Variants in ALLC observed in about 807,000 individuals in gnomAD.
ALLC encodes the protein probable inactive allantoicase.
In ALLC, 40 loss-of-function variants were observed where a neutral mutation model predicts 45.0. That is an observed-to-expected ratio of 0.89 (90% CI 0.69 to 1.16). The LOEUF (loss-of-function observed/expected upper bound fraction) is 1.16. ALLC is among the 50% of genes most tolerant of loss of function. ALLC has a pLI of 0.00. For missense variants in ALLC, 488 were observed against 493.1 expected (o/e 0.99, Z 0.10); for synonymous variants, 176 against 178.1 (o/e 0.99, Z 0.09).
intron 7 of ALLC, chr2:3,688,138 C>T: frequency 6.4e-6 from 1 of 157,344 alleles, no homozygotes; most frequent in Non-Finnish European, 1.4e-5. Flanking sequence ...CTGTTAAAGT[C>T]AGAGGAGACA....
At chr2:3,682,389 T>A (rs530793123) in intron 6 of ALLC, among the ~76,000 whole-genome samples, 1 of 152,342 alleles carries the variant, frequency 6.6e-6, no homozygotes, top group South Asian at 2.1e-4. Context: ...TTTGCAAGCA[T>A]CTGCCACCAT....
At chr2:3,689,328 C>T (rs1007791076) in intron 7 of ALLC, among the ~76,000 whole-genome samples, 1 of 150,694 alleles carries the variant, frequency 6.6e-6, no homozygotes, top group Admixed American at 6.6e-5. Context: ...CTTTCTACTT[C>T]TTTGGTATAG....
intron 3 of ALLC, among the ~76,000 whole-genome samples, chr2:3,676,280 T>G (rs150177533): frequency 6.6e-6 from 1 of 152,178 alleles, no homozygotes; most frequent in East Asian, 1.9e-4. Flanking sequence ...TTCTGCACAC[T>G]TTTTTTGGTG....
At chr2:3,673,994 A>G in intron 2 of ALLC, 81 bp from the exon 3 acceptor site, 1 of 1,087,750 alleles carries the variant, frequency 9.2e-7, no homozygotes, top group Non-Finnish European at 1.3e-6. Context: ...ACTTCATCTC[A>G]TAATGTTTCA....
chr2:3,660,454 T>G (rs915703052), intron 1 of ALLC, among the ~76,000 whole-genome samples: 2 of 152,172 alleles, frequency 1.3e-5, no homozygotes, highest in Non-Finnish European at 2.9e-5. Flanking sequence ...GAATAAATTT[T>G]GCGATATTTG....
At chr2:3,699,754 T>C (rs1286689915) in intron 10 of ALLC, among the ~76,000 whole-genome samples, 2 of 151,948 alleles carry the variant, frequency 1.3e-5, no homozygotes, top group East Asian at 3.8e-4. Context: ...TGATTAGTGA[T>C]GTCAGCCATT....
intron 7 of ALLC, among the ~76,000 whole-genome samples, chr2:3,683,402 T>A (rs939024213): frequency 1.3e-5 from 2 of 152,220 alleles, no homozygotes; most frequent in African/African-American, 4.8e-5. Context: ...TTTAATAGCT[T>A]TATTGTGATA....
chr2:3,649,342 C>T, the ALLC span, among the ~76,000 whole-genome samples: 32 of 151,748 alleles, frequency 2.1e-4, no homozygotes, highest in African/African-American at 6.5e-4. Context: ...CCTGGGTTCA[C>T]GCCATTCTCC....
At position 3,701,464 on chromosome 2, in the gene ALLC, C is replaced by T. The variant is rs187198737; in HGVS notation, c.851-48C>T. 3.3e-6 allele frequency: 5 copies of T among 1,533,832 alleles called. No homozygotes were observed. The African/African-American group carries it at 5.5e-5, about 17-fold the overall frequency. On this transcript the variant is annotated intron_variant, in intron 10 of 11. Coordinates refer to ENST00000252505, the MANE Select transcript of ALLC (RefSeq NM_018436.4). ...AAAGCATGATATCCTATACGCCAAA[C>T]TGAGTGCAAATGCGGGCAGAAAATC...
intron 7 of ALLC, among the ~76,000 whole-genome samples, chr2:3,691,432 GTTTTTT>G (rs895222360): frequency 1.4e-5 from 2 of 145,856 alleles, no homozygotes; most frequent in Non-Finnish European, 3.0e-5. Flanking sequence ...TTTTGTATTT[GTTTTTT>G]TTTTTGTAGA....
At chr2:3,660,395 C>A (rs1341887500) in intron 1 of ALLC, among the ~76,000 whole-genome samples, 2 of 152,124 alleles carry the variant, frequency 1.3e-5, no homozygotes, top group African/African-American at 4.8e-5. Flanking sequence ...CAGCCTCAGG[C>A]ATTCCTTCAC....
rs1203910337 is a variant in ALLC, at chr2:3,681,837, A to G, written c.378+124A>G. 15 of 692,050 alleles carry G rather than the reference A, an allele frequency of 2.2e-5. No individual in the cohort carries two copies. The East Asian group carries it at 3.8e-4, about 17-fold the overall frequency. The allele number at this position is 692,050 out of a possible 1,614,324, so 42.9% of individuals were successfully genotyped here. Reference sequence around the variant, plus strand: ...GCCCAGCCCTGATGCTCCCCACATCATTTGCTTACCCACTGTGGCCTTGCA... The same window carrying G: ...GCCCAGCCCTGATGCTCCCCACATCGTTTGCTTACCCACTGTGGCCTTGCA... On this transcript the variant is annotated intron_variant, in intron 6 of 11. Transcript: ENST00000252505.
Position 3,679,921 on chromosome 2 carries a change from C to CTTGCCCCGTGGACGTG in ALLC, c.225_226insTTGCCCCGTGGACGTG (p.Asp76LeufsTer31). 2 of 1,613,942 alleles carry CTTGCCCCGTGGACGTG rather than the reference C, an allele frequency of 1.2e-6. No individual in the cohort carries two copies. Among genetic ancestry groups the CTTGCCCCGTGGACGTG allele is most frequent in the South Asian group, 2.2e-5 (2 of 91,058 alleles). ...GGATCCAAGGAGTCATCCGGGGCTT[C>CTTGCCCCGTGGACGTG]GACGTGGACGTTTCTTACTTCACGG... On this transcript the variant is annotated frameshift_variant, in exon 5 of 12. Coordinates refer to ENST00000252505, the MANE Select transcript of ALLC (RefSeq NM_018436.4). LOFTEE classifies it high-confidence loss of function.
At chr2:3,679,769 C>T (rs1253487728) in intron 4 of ALLC, 100 bp from the exon 5 acceptor site, 1 of 1,518,238 alleles carries the variant, frequency 6.6e-7, no homozygotes, top group Non-Finnish European at 9.1e-7. Context: ...GACGGAATGG[C>T]CCCTGCTGTG....
At chr2:3,697,512 T>C in intron 10 of ALLC, 56 bp downstream of exon 10, 5 of 1,419,780 alleles carry the variant, frequency 3.5e-6, no homozygotes, top group Non-Finnish European at 4.0e-6. Context: ...TTCTAAAGAC[T>C]GAGTTCTATG....
chr2:3,653,489 A>T (rs934818366), upstream of ALLC, among the ~76,000 whole-genome samples: 3 of 152,202 alleles, frequency 2.0e-5, no homozygotes, highest in Admixed American at 2.0e-4. The surrounding 1 kb of genome is among the most constrained non-coding windows in gnomAD (Gnocchi z 4.1). Flanking sequence ...GCGTCCTGCC[A>T]GCTACGATCC....
intron 1 of ALLC, among the ~76,000 whole-genome samples, chr2:3,667,559 G>A (rs946910753): frequency 6.6e-5 from 10 of 152,312 alleles, no homozygotes; most frequent in South Asian, 4.1e-4. Context: ...TGTCAAAGAC[G>A]CGTTCCTTTT....
intron 9 of ALLC, among the ~76,000 whole-genome samples, chr2:3,697,124 G>A (rs112514188): frequency 2.0e-5 from 3 of 152,110 alleles, no homozygotes; most frequent in African/African-American, 7.2e-5. Context: ...TTAGAAAAAC[G>A]TATCTGGGAC....
chr2:3,651,973 C>G, the ALLC span, among the ~76,000 whole-genome samples: 2 of 152,226 alleles, frequency 1.3e-5, no homozygotes, highest in African/African-American at 4.8e-5. Context: ...GGTCACCAGA[C>G]GCAACCCGGC....
Sources: gnomAD v4.1 joint callset for allele counts (sites outside exome capture counted in the v4.1 genomes callset) on GRCh38, gnomAD v4.1.1 for gene constraint, Gnocchi (gnomAD v3.1) non-coding constraint, MANE v1.5 for transcripts, NCBI Gene and HGNC (gene_info 2026-07-23, HGNC 2026-07-21) for gene names.